The following LYPLAL1 variants were observed in gnomAD, a reference collection of about 807,000 sequenced individuals.
The protein encoded by LYPLAL1 is lysophospholipase-like protein 1.
In LYPLAL1, 23 loss-of-function variants were observed where a neutral mutation model predicts 19.7. The observed-to-expected ratio is 1.17, with a 90% CI of 0.84 to 1.65. The LOEUF is 1.65. Ranked by LOEUF, LYPLAL1 falls within the 40% of genes most tolerant of loss-of-function variation. The pLI is 0.00. For synonymous variants in LYPLAL1, 119 were observed against 96.3 expected (o/e 1.24, Z -1.38); for missense variants, 355 against 279.4 (o/e 1.27, Z -1.93).
chr1:219,287,357 A>T, the LYPLAL1 span, among the ~76,000 whole-genome samples: 5 of 152,218 alleles, frequency 3.3e-5, no homozygotes, highest in Admixed American at 3.3e-4. Flanking sequence ...CAGTGCAATT[A>T]GGTCCCAGGT....
At chr1:219,251,066 A>AT in the LYPLAL1 span, among the ~76,000 whole-genome samples, 2 of 151,696 alleles carry the variant, frequency 1.3e-5, no homozygotes, top group Admixed American at 1.3e-4. Flanking sequence ...GAGATAGTGA[A>AT]TTTTTTTTCA....
intron 1 of LYPLAL1, among the ~76,000 whole-genome samples, chr1:219,178,606 T>C (rs1173308947): frequency 6.6e-6 from 1 of 152,170 alleles, no homozygotes; most frequent in Non-Finnish European, 1.5e-5. Context: ...GAGTAGATAA[T>C]TCTTCTTTTA....
At chr1:219,435,865 G>A in the LYPLAL1 span, among the ~76,000 whole-genome samples, 7 of 152,108 alleles carry the variant, frequency 4.6e-5, no homozygotes, top group East Asian at 1.2e-3. Flanking sequence ...TGAAAGATCA[G>A]TGACACATCC....
the LYPLAL1 span, among the ~76,000 whole-genome samples, chr1:219,241,296 A>G: frequency 1.3e-5 from 2 of 151,186 alleles, no homozygotes; most frequent in Non-Finnish European, 2.9e-5. Context: ...TCCAACCTAC[A>G]TAAGACTATG....
chr1:219,360,542 A>C, the LYPLAL1 span, among the ~76,000 whole-genome samples: 6 of 152,204 alleles, frequency 3.9e-5, no homozygotes, highest in Non-Finnish European at 8.8e-5. Context: ...CTTGCAGAAA[A>C]GTCCCTGGTA....
the LYPLAL1 span, among the ~76,000 whole-genome samples, chr1:219,414,005 C>G: frequency 6.6e-6 from 1 of 152,312 alleles, no homozygotes; most frequent in East Asian, 1.9e-4. Context: ...TTTTCATTTA[C>G]TGAGTAGTTC....
chr1:219,373,866 AAAAAAAAAAAAAAAAC>A, the LYPLAL1 span, among the ~76,000 whole-genome samples: 42 of 16,732 alleles, frequency 2.5e-3, no homozygotes, highest in Admixed American at 5.4e-3. Flanking sequence ...AAATTGTCAA[AAAAAAAAAAAAAAAAC>A]AAAAAAAAAA....
the LYPLAL1 span, among the ~76,000 whole-genome samples, chr1:219,378,777 A>G: frequency 1.3e-5 from 2 of 152,170 alleles, no homozygotes; most frequent in Admixed American, 6.5e-5. Context: ...GCAGAGACCC[A>G]AAGGGTTATA....
chr1:219,342,524 C>G, the LYPLAL1 span, among the ~76,000 whole-genome samples: 1 of 151,966 alleles, frequency 6.6e-6, no homozygotes, highest in Admixed American at 6.6e-5. Flanking sequence ...TGTCTCTGAC[C>G]CAGGAGTCTC....
chr1:219,398,152 G>T, the LYPLAL1 span, among the ~76,000 whole-genome samples: 1 of 152,128 alleles, frequency 6.6e-6, no homozygotes, highest in Non-Finnish European at 1.5e-5. Context: ...TGTTTTGCAA[G>T]TTGCTTATTC....
At chr1:219,408,574 A>C in the LYPLAL1 span, among the ~76,000 whole-genome samples, 2 of 152,222 alleles carry the variant, frequency 1.3e-5, no homozygotes, top group South Asian at 2.1e-4. Flanking sequence ...ATATATAATA[A>C]GCAGGATAAA....
chr1:219,193,765 C>A (rs990262232), intron 3 of LYPLAL1, among the ~76,000 whole-genome samples: 1 of 151,698 alleles, frequency 6.6e-6, no homozygotes, highest in African/African-American at 2.4e-5. Flanking sequence ...CTGCTTAATA[C>A]CTTTTTCTGT....
At chr1:219,342,891 C>T in the LYPLAL1 span, among the ~76,000 whole-genome samples, 5 of 152,232 alleles carry the variant, frequency 3.3e-5, no homozygotes, top group African/African-American at 7.2e-5. Context: ...TTTATTGTTT[C>T]GAAATCACAC....
At chr1:219,374,966 A>G in the LYPLAL1 span, among the ~76,000 whole-genome samples, 1 of 152,192 alleles carries the variant, frequency 6.6e-6, no homozygotes, top group Admixed American at 6.5e-5. Context: ...CTCCTTATTC[A>G]GCAGCATACA....
chr1:219,285,909 C>T, the LYPLAL1 span, among the ~76,000 whole-genome samples: 32 of 152,286 alleles, frequency 2.1e-4, no homozygotes, highest in African/African-American at 7.7e-4. Flanking sequence ...CTTCCCTTCT[C>T]ACATATATTT....
chr1:219,393,618 A>G, the LYPLAL1 span, among the ~76,000 whole-genome samples: 1 of 152,160 alleles, frequency 6.6e-6, no homozygotes, highest in African/African-American at 2.4e-5. Flanking sequence ...TTTGTTTTCC[A>G]TGAGCAACTC....
the LYPLAL1 span, among the ~76,000 whole-genome samples, chr1:219,261,381 C>T: frequency 6.6e-6 from 1 of 152,106 alleles, no homozygotes; most frequent in African/African-American, 2.4e-5. Context: ...CTAGCTAGGG[C>T]TCCAGGATAG....
At chr1:219,347,034 C>T in the LYPLAL1 span, among the ~76,000 whole-genome samples, 1 of 152,208 alleles carries the variant, frequency 6.6e-6, no homozygotes. Context: ...GACAGTACTT[C>T]AATTTTGCTT....
chr1:219,346,721 A>T, the LYPLAL1 span, among the ~76,000 whole-genome samples: 1 of 152,178 alleles, frequency 6.6e-6, no homozygotes, highest in African/African-American at 2.4e-5. Context: ...ATTTACACAT[A>T]TAGGCTGGTA....
Sources: allele counts gnomAD v4.1 joint callset (sites outside exome capture counted in the v4.1 genomes callset), GRCh38; gene constraint gnomAD v4.1.1; transcripts MANE v1.5; gene names NCBI Gene and HGNC (gene_info 2026-07-23, HGNC 2026-07-21).